HIVEP2: variants seen among roughly 807,000 people sequenced by gnomAD.
HIVEP2 encodes transcription factor HIVEP2.
In HIVEP2, 14 loss-of-function variants were observed where a neutral mutation model predicts 180.7. The ratio of observed to expected loss-of-function variants is 0.08; its 90% CI spans 0.05 to 0.12. The LOEUF is 0.12. Among genes scored for constraint, HIVEP2 ranks in the 10% least tolerant of loss-of-function variants. The probability of loss-of-function intolerance (pLI) is 1.00; values close to 1 mark genes in which losing one functional copy is unlikely to be tolerated. For missense variants in HIVEP2, 2,579 were observed against 3,008.5 expected (o/e 0.86, Z 3.34); for synonymous variants, 1,184 against 1,136.4 (o/e 1.04, Z -0.84).
chr6:142,909,033 G>C (rs914735752), intron 1 of HIVEP2, among the ~76,000 whole-genome samples: 1 of 152,108 alleles, frequency 6.6e-6, no homozygotes. Flanking sequence ...ATACAAATCT[G>C]AAACACTTGA....
At chr6:142,928,182 A>G (rs1331875479) in intron 1 of HIVEP2, among the ~76,000 whole-genome samples, 1 of 152,238 alleles carries the variant, frequency 6.6e-6, no homozygotes, top group Non-Finnish European at 1.5e-5. Context: ...ATGTGGGGAC[A>G]GGAAGTACAT....
At chr6:142,876,145 G>A (rs1335805112) in intron 1 of HIVEP2, among the ~76,000 whole-genome samples, 1 of 152,140 alleles carries the variant, frequency 6.6e-6, no homozygotes, top group East Asian at 1.9e-4. Context: ...TGTTCAAAAC[G>A]TTGTAAAGAG....
At chr6:142,828,464 A>G (rs1387144733) in intron 2 of HIVEP2, among the ~76,000 whole-genome samples, 3 of 151,796 alleles carry the variant, frequency 2.0e-5, no homozygotes, top group Non-Finnish European at 4.4e-5. Flanking sequence ...TTCAAGACAG[A>G]GTCTTGCTCT....
intron 1 of HIVEP2, among the ~76,000 whole-genome samples, chr6:142,893,909 T>C (rs1000652543): frequency 7.2e-5 from 11 of 152,200 alleles, no homozygotes; most frequent in African/African-American, 2.4e-4. Flanking sequence ...TTCTGAGCCA[T>C]GGCTCTTCAG....
chr6:142,790,606 G>A (rs775610128), intron 2 of HIVEP2, among the ~76,000 whole-genome samples: 1 of 152,170 alleles, frequency 6.6e-6, no homozygotes, highest in Non-Finnish European at 1.5e-5. Context: ...GGTTGCTGCA[G>A]ATATACATAA....
intron 2 of HIVEP2, among the ~76,000 whole-genome samples, chr6:142,800,811 G>C (rs1776385857): frequency 6.6e-6 from 1 of 152,136 alleles, no homozygotes. Flanking sequence ...CTGATGTTGA[G>C]TGTCTCTCCC....
At chr6:142,806,568 T>C (rs886584185) in intron 2 of HIVEP2, among the ~76,000 whole-genome samples, 2 of 152,138 alleles carry the variant, frequency 1.3e-5, no homozygotes, top group Non-Finnish European at 2.9e-5. Context: ...TCAAAAACCA[T>C]ATTCAGTTCC....
intron 7 of HIVEP2, 69 bp downstream of exon 7, chr6:142,764,730 A>C: frequency 8.9e-7 from 1 of 1,124,346 alleles, no homozygotes; most frequent in Non-Finnish European, 1.3e-6. Context: ...GGTTAGTTAT[A>C]AAATAGCACT....
At chr6:142,926,964 G>A (rs1328358451) in intron 1 of HIVEP2, among the ~76,000 whole-genome samples, 1 of 151,768 alleles carries the variant, frequency 6.6e-6, no homozygotes, top group East Asian at 1.9e-4. Context: ...TCAGCGGACG[G>A]GGGGCCAAAG....
At chr6:142,907,342 C>G (rs1349841968) in intron 1 of HIVEP2, among the ~76,000 whole-genome samples, 1 of 151,962 alleles carries the variant, frequency 6.6e-6, no homozygotes, top group East Asian at 1.9e-4. Flanking sequence ...GCTGCTTTCC[C>G]CGGGTTGTCG....
Position 142,818,170 on chromosome 6 carries a change from T to C in HIVEP2, c.-528+18765A>G, listed in dbSNP as rs903948915. ...CTGAGGCAGGACAACTAAAGTCACCTGCTAGAATGCCACACAGCCAGCTTC... is the reference window on the plus strand; with the variant it reads ...CTGAGGCAGGACAACTAAAGTCACCCGCTAGAATGCCACACAGCCAGCTTC... On this transcript the variant is annotated intron_variant, in intron 2 of 9. Transcript: ENST00000367603. Among the ~76,000 whole-genome samples the C allele has an allele frequency of 4.7e-4, 72 of 152,324 alleles. 1 individual carries two copies. The highest frequency in any genetic ancestry group is 1.5e-3 in the African/African-American group (64 of 41,580).
In HIVEP2 at chr6:142,781,189, A is replaced by T. The variant is rs1219168821; in HGVS notation, c.-433+2332T>A. On this transcript the variant is annotated intron_variant, in intron 3 of 9. Coordinates refer to ENST00000367603, the MANE Select transcript of HIVEP2 (RefSeq NM_006734.4). ...CTCTATGACTGTGTAGAGTCAATTC[A>T]TTTTTCAGATTCTCTAATATTTCAT... is the stretch of plus-strand genomic sequence containing the variant. 2.0e-5 allele frequency among the ~76,000 whole-genome samples: 3 copies of T among 152,128 alleles called. 1 individual carries two copies. Among genetic ancestry groups the T allele is most frequent in the African/African-American group, 7.2e-5 (3 of 41,414 alleles).
At chr6:142,761,073 G>A (rs932216094) in intron 8 of HIVEP2, among the ~76,000 whole-genome samples, 6 of 152,160 alleles carry the variant, frequency 3.9e-5, no homozygotes, top group African/African-American at 1.4e-4. Flanking sequence ...CCTTAATGAT[G>A]TTTGTTTGCT....
At chr6:142,862,943 T>C (rs1776039533) in intron 1 of HIVEP2, among the ~76,000 whole-genome samples, 1 of 135,600 alleles carries the variant, frequency 7.4e-6, no homozygotes, top group South Asian at 2.2e-4. Flanking sequence ...ACTTTACATA[T>C]AATATAATAT....
intron 1 of HIVEP2, among the ~76,000 whole-genome samples, chr6:142,873,902 ATC>A (rs1776360760): frequency 6.6e-6 from 1 of 152,180 alleles, no homozygotes; most frequent in South Asian, 2.1e-4. Flanking sequence ...GTTTTCTGGG[ATC>A]TGACCAACAT....
At chr6:142,784,550 G>A (rs1477173153) in intron 2 of HIVEP2, among the ~76,000 whole-genome samples, 7 of 152,140 alleles carry the variant, frequency 4.6e-5, no homozygotes, top group Admixed American at 3.9e-4. Flanking sequence ...GGCCCACTCG[G>A]TTCCTCAAAA....
chr6:142,787,016 T>C (rs1439658740), intron 2 of HIVEP2, among the ~76,000 whole-genome samples: 5 of 152,134 alleles, frequency 3.3e-5, no homozygotes, highest in African/African-American at 1.2e-4. Flanking sequence ...CTCACACCTG[T>C]AATCCCAGCA....
intron 1 of HIVEP2, among the ~76,000 whole-genome samples, chr6:142,847,606 C>T (rs764156699): frequency 5.9e-5 from 9 of 151,992 alleles, no homozygotes; most frequent in Non-Finnish European, 1.0e-4. Context: ...AGTCACACTT[C>T]GAAAAATGAC....
At chr6:142,793,677 C>CTT (rs1554279295) in intron 2 of HIVEP2, among the ~76,000 whole-genome samples, 1 of 125,044 alleles carries the variant, frequency 8.0e-6, no homozygotes, top group Non-Finnish European at 1.7e-5. Flanking sequence ...CTTTCTTTCT[C>CTT]TCTCTCTCTC....
Sources: allele counts gnomAD v4.1 joint callset (sites outside exome capture counted in the v4.1 genomes callset), GRCh38; gene constraint gnomAD v4.1.1; transcripts MANE v1.5; gene names NCBI Gene and HGNC (gene_info 2026-07-23, HGNC 2026-07-21).